The following JPH3 variants were observed in gnomAD, a reference collection of about 807,000 sequenced individuals.
JPH3 encodes the protein junctophilin 3.
A neutral mutation model predicts 59.6 loss-of-function variants in JPH3; 11 were observed. That is an observed-to-expected ratio of 0.18 (90% CI 0.12 to 0.31). JPH3 has a LOEUF of 0.31. Among genes scored for constraint, JPH3 ranks in the 10% least tolerant of loss-of-function variants. The pLI is 1.00. For missense variants in JPH3, 1,202 were observed against 1,105.7 expected (o/e 1.09, Z -1.24); for synonymous variants, 673 against 483.6 (o/e 1.39, Z -5.14).
chr16:87,611,800 T>C lies in JPH3; in HGVS notation c.382+8272T>C, dbSNP rs1158937873. On this transcript the variant is annotated intron_variant, in intron 1 of 4. Coordinates refer to ENST00000284262, the MANE Select transcript of JPH3 (RefSeq NM_020655.4). This position sits in a 1 kb window ranked among gnomAD's most constrained non-coding sequence, Gnocchi z 4.5. ...TACAAATTTCAGGCGATGCTGAGGCTGCTGATCTGGGGACCTCACATTAAG... is the reference window on the plus strand; with the variant it reads ...TACAAATTTCAGGCGATGCTGAGGCCGCTGATCTGGGGACCTCACATTAAG... Among the ~76,000 whole-genome samples, 4 of 152,242 alleles carry C rather than the reference T, an allele frequency of 2.6e-5. No individual in the cohort carries two copies. Among genetic ancestry groups the C allele is most frequent in the African/African-American group, 9.6e-5 (4 of 41,470 alleles).
At chr16:87,686,168 C>A (rs574562246) in intron 3 of JPH3, among the ~76,000 whole-genome samples, 3 of 152,342 alleles carry the variant, frequency 2.0e-5, no homozygotes, top group Admixed American at 1.3e-4. Context: ...TTGGGTGTTT[C>A]TACCCCCACC....
intron 1 of JPH3, among the ~76,000 whole-genome samples, chr16:87,607,955 AG>A (rs1490341163): frequency 6.6e-6 from 1 of 152,264 alleles, no homozygotes; most frequent in Non-Finnish European, 1.5e-5. Flanking sequence ...AGAAGCAAAC[AG>A]CTATTTTTTT....
At chr16:87,625,898 C>T (rs1337210547) in intron 1 of JPH3, among the ~76,000 whole-genome samples, 5 of 152,098 alleles carry the variant, frequency 3.3e-5, no homozygotes, top group Admixed American at 1.3e-4. Flanking sequence ...CTCCACCTGC[C>T]AACCTTCATT....
At chr16:87,681,503 G>A (rs376893574) in intron 2 of JPH3, among the ~76,000 whole-genome samples, 2 of 100,468 alleles carry the variant, frequency 2.0e-5, no homozygotes, top group African/African-American at 3.9e-5. Flanking sequence ...GCGCGCGGTG[G>A]TGACAGTGCC....
intron 4 of JPH3, among the ~76,000 whole-genome samples, chr16:87,691,093 C>CA (rs968177550): frequency 6.6e-6 from 1 of 150,794 alleles, no homozygotes; most frequent in East Asian, 1.9e-4. Context: ...AGCACCCCCC[C>CA]CCCAAATTCG....
At chr16:87,642,617 G>A (rs1425795226) in intron 1 of JPH3, among the ~76,000 whole-genome samples, 1 of 152,178 alleles carries the variant, frequency 6.6e-6, no homozygotes, top group Non-Finnish European at 1.5e-5. Context: ...TGTTCTCCCC[G>A]CAAAAGCCCT....
At chr16:87,661,201 G>C (rs888308272) in intron 2 of JPH3, among the ~76,000 whole-genome samples, 1 of 152,148 alleles carries the variant, frequency 6.6e-6, no homozygotes, top group African/African-American at 2.4e-5. Flanking sequence ...TCTCCTCTCC[G>C]ACCTCCTGCC....
At chr16:87,612,372 A>T (rs1342098107) in intron 1 of JPH3, among the ~76,000 whole-genome samples, 1 of 151,956 alleles carries the variant, frequency 6.6e-6, no homozygotes, top group Non-Finnish European at 1.5e-5. Context: ...CGATCCGCCC[A>T]CCTTGGCCTC....
chr16:87,608,016 C>G (rs1431720859), intron 1 of JPH3, among the ~76,000 whole-genome samples: 1 of 152,274 alleles, frequency 6.6e-6, no homozygotes, highest in East Asian at 1.9e-4. Flanking sequence ...CACCCCTACC[C>G]ACGTTGGCCG....
rs544377501 is a variant in JPH3, at chr16:87,678,324, A to C, written c.1161-5818A>C. Among the ~76,000 whole-genome samples the C allele has an allele frequency of 1.4e-3, 207 of 152,224 alleles. 2 individuals are homozygous for C. The highest frequency in any genetic ancestry group is 4.7e-3 in the African/African-American group (197 of 41,542). On this transcript the variant is annotated intron_variant, in intron 2 of 4. Transcript: ENST00000284262. ...TTTGGGAGGCTGAGGCGGTTGGATCACCTGAGGGTTTTGAGACCAGCCTGG... is the reference window on the plus strand; with the variant it reads ...TTTGGGAGGCTGAGGCGGTTGGATCCCCTGAGGGTTTTGAGACCAGCCTGG...
Position 87,627,759 on chromosome 16 carries a change from C to T in JPH3, c.383-16499C>T, listed in dbSNP as rs73234348. On this transcript the variant is annotated intron_variant, in intron 1 of 4. Transcript: ENST00000284262. The stretch of plus-strand genomic sequence containing the variant: ...TGGCTAGGAAGCTAACAGCCAGGAT[C>T]CGAGCTCAGATTTGCCCGACTTCCA... 8.9e-3 allele frequency among the ~76,000 whole-genome samples: 1,361 copies of T among 152,298 alleles called. 23 individuals are homozygous for T. The highest frequency in any genetic ancestry group is 0.032 in the African/African-American group (1,312 of 41,558).
intron 1 of JPH3, among the ~76,000 whole-genome samples, chr16:87,628,031 G>C (rs2031440904): frequency 6.6e-6 from 1 of 152,256 alleles, no homozygotes; most frequent in South Asian, 2.1e-4. Flanking sequence ...GGCAGGACTG[G>C]GAGGGACACC....
At chr16:87,667,189 C>T (rs935302478) in intron 2 of JPH3, among the ~76,000 whole-genome samples, 6 of 152,230 alleles carry the variant, frequency 3.9e-5, no homozygotes, top group African/African-American at 1.4e-4. Flanking sequence ...TGTCTCTTAG[C>T]TCCCTCTGCC....
At chr16:87,685,701 G>T (rs906028460) in intron 3 of JPH3, among the ~76,000 whole-genome samples, 3 of 152,252 alleles carry the variant, frequency 2.0e-5, no homozygotes, top group Non-Finnish European at 4.4e-5. Flanking sequence ...GGGATTCCAC[G>T]TACCAACCCT....
intron 3 of JPH3, among the ~76,000 whole-genome samples, chr16:87,688,091 T>C (rs2033462088): frequency 6.6e-6 from 1 of 152,074 alleles, no homozygotes; most frequent in Non-Finnish European, 1.5e-5. Context: ...ACACAGACCT[T>C]CTCTGGCCCA....
Position 87,686,905 on chromosome 16 carries a change from C to G in JPH3, c.1285+2639C>G, listed in dbSNP as rs375504826. Among the ~76,000 whole-genome samples the G allele has an allele frequency of 3.9e-5, 6 of 152,220 alleles. No homozygotes were observed. The East Asian group carries it at 9.6e-4, about 24-fold the overall frequency. ...TGGTGGGAGTCCAGTCCTCGAGGGT[C>G]TGGCCAAGTTGGCCTCACCTCCTGC... On this transcript the variant is annotated intron_variant, in intron 3 of 4. Transcript: ENST00000284262.
rs2033881831 is a variant in JPH3 at position 87,696,821 on chromosome 16, C to T, written c.*161C>T. The T allele has an allele frequency of 1.6e-6, 1 of 642,316 alleles. No homozygotes were observed. The highest frequency in any genetic ancestry group is 2.7e-6 in the Non-Finnish European group (1 of 365,094). The allele number at this position is 642,316 out of a possible 1,614,324, so 39.8% of individuals were successfully genotyped here. On this transcript the variant is annotated 3_prime_UTR_variant, in exon 5 of 5. Coordinates refer to ENST00000284262, the MANE Select transcript of JPH3 (RefSeq NM_020655.4). ...CGATTGGGTATCACTCACAGTTTGC[C>T]TTTTTTTCTGGGTAATGTTTTTTGG...
intron 2 of JPH3, among the ~76,000 whole-genome samples, chr16:87,667,627 C>T (rs1467464255): frequency 2.0e-5 from 3 of 152,142 alleles, no homozygotes; most frequent in African/African-American, 7.2e-5. Context: ...CCTGTGACAG[C>T]GGGGGGTCTT....
intron 2 of JPH3, among the ~76,000 whole-genome samples, chr16:87,646,839 C>T (rs545043146): frequency 6.6e-6 from 1 of 152,250 alleles, no homozygotes; most frequent in Admixed American, 6.5e-5. Context: ...TGGACAGTGC[C>T]CTGCAGGACT....
Sources: gnomAD v4.1 joint callset for allele counts (sites outside exome capture counted in the v4.1 genomes callset) on GRCh38, gnomAD v4.1.1 for gene constraint, Gnocchi (gnomAD v3.1) non-coding constraint, MANE v1.5 for transcripts, NCBI Gene and HGNC (gene_info 2026-07-23, HGNC 2026-07-21) for gene names.